The following ARID4A variants were observed in gnomAD, a reference collection of about 807,000 sequenced individuals.
The protein encoded by ARID4A is AT-rich interaction domain 4A.
A neutral mutation model predicts 148.6 loss-of-function variants in ARID4A; 39 were observed. That is an observed-to-expected ratio of 0.26 (90% CI 0.20 to 0.34). ARID4A has a LOEUF of 0.34. Among genes scored for constraint, ARID4A ranks in the 10% least tolerant of loss-of-function variants. The pLI is 1.00. For synonymous variants in ARID4A, 475 were observed against 481.2 expected, an observed-to-expected ratio of 0.99 and a Z score of 0.17; for missense variants, 1,265 against 1,449.1, an observed-to-expected ratio of 0.87 and a Z score of 2.06.
At chr14:58,321,955 TG>T (rs370466297) in intron 7 of ARID4A, among the ~76,000 whole-genome samples, 18 of 51,656 alleles carry the variant, frequency 3.5e-4, no homozygotes, top group East Asian at 1.6e-3. Flanking sequence ...TTGTTGTTGT[TG>T]TTTTTTTTGG....
intron 5 of ARID4A, among the ~76,000 whole-genome samples, chr14:58,313,656 G>A (rs2032207017): frequency 6.6e-6 from 1 of 152,156 alleles, no homozygotes; most frequent in African/African-American, 2.4e-5. Context: ...GATGCCAATA[G>A]CTAGGCTCTA....
intron 11 of ARID4A, among the ~76,000 whole-genome samples, chr14:58,334,919 G>T (rs935648376): frequency 6.6e-6 from 1 of 152,072 alleles, no homozygotes; most frequent in African/African-American, 2.4e-5. Flanking sequence ...CAACCTCTGT[G>T]CTTTCCTCTC....
chr14:58,343,567 G>T (rs571059527), intron 11 of ARID4A, among the ~76,000 whole-genome samples: 11 of 152,230 alleles, frequency 7.2e-5, no homozygotes, highest in Non-Finnish European at 7.4e-5. Flanking sequence ...TGTGGCTTAT[G>T]CCTGTAATCC....
At chr14:58,308,602 A>T (rs1367982886) in intron 5 of ARID4A, among the ~76,000 whole-genome samples, 1 of 152,254 alleles carries the variant, frequency 6.6e-6, no homozygotes. Flanking sequence ...TGGATCACAT[A>T]AAGAATGATC....
chr14:58,310,775 T>C (rs925412241), intron 5 of ARID4A, among the ~76,000 whole-genome samples: 1 of 150,962 alleles, frequency 6.6e-6, no homozygotes, highest in African/African-American at 2.4e-5. Context: ...ACTAGACACC[T>C]GGGATTACAT....
In ARID4A at chr14:58,304,976, G is replaced by C; in HGVS notation, c.150G>C (p.Leu50Phe). The change falls in exon 4 of 24, where the codon TTG becomes TTC. Residue 50 changes from leucine to phenylalanine, a missense_variant. Leu to Phe is a conservative substitution (Grantham distance 22, BLOSUM62 0). Transcript: ENST00000355431. ...VLLKQDNTTQ[L>F]VQDDQVKGPL... Reference sequence around the variant, plus strand: ...TGAAACAGGATAATACCACACAATTGGTACAAGATGACCAAGTAAAGGGTC... The same window carrying C: ...TGAAACAGGATAATACCACACAATTCGTACAAGATGACCAAGTAAAGGGTC... 6.2e-7 allele frequency: 1 copy of C among 1,606,960 alleles called. No individual in the cohort carries two copies. Among genetic ancestry groups the C allele is most frequent in the South Asian group, 1.1e-5 (1 of 89,260 alleles).
Position 58,346,927 on chromosome 14 carries a change from CAAAAAAAAAAAAAAAAAAAAAAAAAAAA to C in ARID4A, c.1075-74_1075-47del, listed in dbSNP as rs71107937. On this transcript the variant is annotated intron_variant, in intron 13 of 23. Coordinates refer to ENST00000355431, the MANE Select transcript of ARID4A (RefSeq NM_002892.4). ...TGGGCGACAGAGTGAGACCCTGTCT[CAAAAAAAAAAAAAAAAAAAAAAAAAAAA>C]AAAAAAAAAAAAAAAAAAGATTAAT... The C allele has an allele frequency of 7.8e-4, 110 of 140,418 alleles. 2 individuals carry two copies. Among genetic ancestry groups the C allele is most frequent in the Middle Eastern group, 2.4e-3 (1 of 416 alleles). The allele number at this position is 140,418 out of a possible 1,614,324, so 8.7% of individuals were successfully genotyped here. A position where few individuals can be genotyped will look rare whatever the true frequency, so the allele number is the denominator to read the frequency against.
intron 19 of ARID4A, among the ~76,000 whole-genome samples, chr14:58,363,695 CA>C (rs1044241301): frequency 3.5e-4 from 50 of 143,858 alleles, no homozygotes; most frequent in African/African-American, 1.1e-3. Context: ...GACTATGTCT[CA>C]AAAAAAAAAG....
At chr14:58,363,885 A>G (rs1007062938) in intron 19 of ARID4A, among the ~76,000 whole-genome samples, 6 of 152,112 alleles carry the variant, frequency 3.9e-5, no homozygotes, top group East Asian at 1.9e-4. Flanking sequence ...TTTAAGGACT[A>G]TTGTACCTAA....
intron 17 of ARID4A, among the ~76,000 whole-genome samples, chr14:58,355,797 A>G (rs182364125): frequency 1.3e-5 from 2 of 152,182 alleles, no homozygotes; most frequent in Non-Finnish European, 2.9e-5. Context: ...GTTCACAACT[A>G]TCCACTCCTA....
chr14:58,324,051 C>T (rs982236559), intron 8 of ARID4A, among the ~76,000 whole-genome samples: 1 of 151,720 alleles, frequency 6.6e-6, no homozygotes, highest in Non-Finnish European at 1.5e-5. Flanking sequence ...ACAACAGGCG[C>T]CTGCCACCAC....
intron 23 of ARID4A, among the ~76,000 whole-genome samples, chr14:58,368,976 A>C (rs2035482099): frequency 1.3e-5 from 2 of 152,170 alleles, no homozygotes; most frequent in South Asian, 4.1e-4. Flanking sequence ...CTTGAAACAA[A>C]AGCATAATAA....
rs1356701817 is a variant in ARID4A, at chr14:58,303,516, A to G, written c.118-1428A>G. On this transcript the variant is annotated intron_variant, in intron 3 of 23. Transcript: ENST00000355431. ...ATTGCAGTTTGCTTTATTCACTTAT[A>G]TATCTGATGTTTTCCTACCAGAATT... The G allele has an allele frequency of 6.4e-6, 3 of 470,910 alleles. No individual in the cohort carries two copies. The East Asian group carries it at 2.1e-4, about 33-fold the overall frequency. 29.2% of individuals were successfully genotyped at this position (470,910 alleles called of 1,614,324 possible). A position where few individuals can be genotyped will look rare whatever the true frequency, so the allele number is the denominator to read the frequency against.
chr14:58,325,261 T>TTC (rs1327388271), intron 8 of ARID4A, among the ~76,000 whole-genome samples: 1 of 152,186 alleles, frequency 6.6e-6, no homozygotes, highest in Non-Finnish European at 1.5e-5. Context: ...TTTGCAAGGT[T>TTC]TCTCTTAAAT....
chr14:58,358,612 C>T (rs972411780), intron 17 of ARID4A, among the ~76,000 whole-genome samples: 1 of 151,830 alleles, frequency 6.6e-6, no homozygotes, highest in African/African-American at 2.4e-5. Flanking sequence ...ATTTCAGAAT[C>T]CTAAAGGCAA....
chr14:58,359,692 C>T (rs2035046873), intron 18 of ARID4A, among the ~76,000 whole-genome samples: 1 of 152,142 alleles, frequency 6.6e-6, no homozygotes, highest in African/African-American at 2.4e-5. Context: ...GAATCATACA[C>T]CATATAGCCT....
intron 5 of ARID4A, among the ~76,000 whole-genome samples, chr14:58,308,046 T>C (rs541644205): frequency 9.2e-5 from 14 of 152,292 alleles, no homozygotes; most frequent in Non-Finnish European, 1.6e-4. Context: ...TATAGAAGGA[T>C]TACTTTTCAG....
At chr14:58,348,539 C>T (rs1284650920) in intron 15 of ARID4A, among the ~76,000 whole-genome samples, 1 of 152,152 alleles carries the variant, frequency 6.6e-6, no homozygotes, top group Non-Finnish European at 1.5e-5. Context: ...CAACTTTGCT[C>T]CTTCTTTCCT....
intron 13 of ARID4A, 77 bp from the exon 14 acceptor site, chr14:58,346,943 A>AAAAAAAAAAAAAAAG (rs2034399357): frequency 3.7e-6 from 1 of 272,606 alleles, no homozygotes; most frequent in Non-Finnish European, 6.5e-6. Context: ...AAAAAAAAAA[A>AAAAAAAAAAAAAAAG]AAAAAAAAAA....
Sources: allele counts gnomAD v4.1 joint callset (sites outside exome capture counted in the v4.1 genomes callset), GRCh38; gene constraint gnomAD v4.1.1; transcripts MANE v1.5; gene names NCBI Gene and HGNC (gene_info 2026-07-23, HGNC 2026-07-21).